MAD1L1: variants seen among roughly 807,000 people sequenced by gnomAD.
MAD1L1 encodes the protein mitotic arrest deficient 1 like 1, also known as mitotic spindle assembly checkpoint protein MAD1.
A neutral mutation model predicts 96.9 loss-of-function variants in MAD1L1; 95 were observed. The ratio of observed to expected loss-of-function variants is 0.98; its 90% CI spans 0.83 to 1.16. The LOEUF (loss-of-function observed/expected upper bound fraction) is 1.16. Among genes scored for constraint, MAD1L1 ranks in the 50% most tolerant of loss-of-function variants. MAD1L1 has a pLI of 0.00. For synonymous variants in MAD1L1, 473 were observed against 396.6 expected, an observed-to-expected ratio of 1.19 and a Z score of -2.29; for missense variants, 1,007 against 954.4, an observed-to-expected ratio of 1.06 and a Z score of -0.73.
intron 11 of MAD1L1, among the ~76,000 whole-genome samples, chr7:2,117,422 A>T (rs1324058414): frequency 6.6e-6 from 1 of 152,184 alleles, no homozygotes; most frequent in African/African-American, 2.4e-5. Context: ...CACAAGGAGG[A>T]GGCATGATAT....
At chr7:2,213,133 T>A (rs1484283449) in intron 10 of MAD1L1, 79 bp downstream of exon 10, 36 of 1,480,456 alleles carry the variant, frequency 2.4e-5, no homozygotes, top group Non-Finnish European at 3.0e-5. Context: ...ACTGCGCTGG[T>A]GAGCCGGAAG....
intron 15 of MAD1L1, among the ~76,000 whole-genome samples, chr7:1,976,279 A>G (rs1780633861): frequency 6.6e-6 from 1 of 152,228 alleles, no homozygotes; most frequent in Non-Finnish European, 1.5e-5. Context: ...GGTGAGTGTT[A>G]CAGTTCTTAA....
chr7:1,902,912 T>A (rs867312162), intron 17 of MAD1L1, among the ~76,000 whole-genome samples: 3 of 147,258 alleles, frequency 2.0e-5, no homozygotes, highest in African/African-American at 7.6e-5. Context: ...CAGTGGCCTA[T>A]GGAAGACGTT....
intron 14 of MAD1L1, among the ~76,000 whole-genome samples, chr7:1,983,152 GCGCACACACACACACACACA>G (rs1225369197): frequency 1.7e-3 from 50 of 29,914 alleles, no homozygotes; most frequent in Admixed American, 7.9e-3. Flanking sequence ...GCGCGCGCGC[GCGCACACACACACACACACA>G]CACACACACA....
chr7:2,195,901 G>A (rs1791961638), intron 10 of MAD1L1, among the ~76,000 whole-genome samples: 1 of 152,276 alleles, frequency 6.6e-6, no homozygotes, highest in Admixed American at 6.5e-5. Context: ...GCTATCAGCT[G>A]ATGGGCTTCA....
At chr7:2,010,976 G>T (rs1001838804) in intron 13 of MAD1L1, among the ~76,000 whole-genome samples, 1 of 152,136 alleles carries the variant, frequency 6.6e-6, no homozygotes, top group Admixed American at 6.5e-5. Context: ...GCGTGCAGAG[G>T]ACAGAAAGAA....
intron 15 of MAD1L1, among the ~76,000 whole-genome samples, chr7:1,977,203 G>A (rs112969053): frequency 3.8e-4 from 58 of 152,370 alleles, no homozygotes; most frequent in Non-Finnish European, 6.6e-4. Context: ...GGGAGCCCAC[G>A]GCTGGGGGTG....
chr7:1,912,317 A>G (rs1031463518), intron 17 of MAD1L1, among the ~76,000 whole-genome samples: 6 of 152,210 alleles, frequency 3.9e-5, no homozygotes, highest in African/African-American at 1.2e-4. Context: ...AACTTAACCT[A>G]TCCTTTTGGG....
chr7:2,075,846 A>G (rs962544626), intron 11 of MAD1L1, among the ~76,000 whole-genome samples: 7 of 151,664 alleles, frequency 4.6e-5, no homozygotes, highest in Admixed American at 2.6e-4. Context: ...CCTCCCACAC[A>G]CTCTTTGTCT....
intron 16 of MAD1L1, among the ~76,000 whole-genome samples, chr7:1,942,875 C>G (rs1256614107): frequency 1.3e-5 from 2 of 152,124 alleles, no homozygotes; most frequent in Non-Finnish European, 2.9e-5. Flanking sequence ...CTCCTGATTT[C>G]AAAACTTACT....
At chr7:2,047,754 CACAT>C (rs1039924623) in intron 12 of MAD1L1, among the ~76,000 whole-genome samples, 19 of 151,360 alleles carry the variant, frequency 1.3e-4, no homozygotes, top group Admixed American at 1.3e-4. Flanking sequence ...CATGCACACT[CACAT>C]GCATACAGAG....
intron 18 of MAD1L1, among the ~76,000 whole-genome samples, chr7:1,858,447 G>T (rs567859795): frequency 1.9e-4 from 29 of 152,342 alleles, no homozygotes; most frequent in Non-Finnish European, 3.2e-4. Context: ...TCCACCCAGG[G>T]GCTCTGCGTG....
At chr7:2,069,365 G>A (rs1184209514) in intron 11 of MAD1L1, 27 bp from the exon 12 acceptor site, 3 of 1,555,772 alleles carry the variant, frequency 1.9e-6, no homozygotes, top group Non-Finnish European at 2.6e-6. Flanking sequence ...AGAGGGCAAA[G>A]CAATGAAGCC....
chr7:2,143,529 G>A (rs1197818048), intron 11 of MAD1L1, among the ~76,000 whole-genome samples: 7 of 151,588 alleles, frequency 4.6e-5, no homozygotes, highest in Admixed American at 6.6e-5. Context: ...GAAAAGCACC[G>A]TCTGTGACAG....
At chr7:1,922,919 C>G (rs1235312349) in intron 17 of MAD1L1, among the ~76,000 whole-genome samples, 2 of 152,236 alleles carry the variant, frequency 1.3e-5, no homozygotes, top group Admixed American at 6.5e-5. Flanking sequence ...ATTGTACCAG[C>G]TGACGCTCGA....
intron 10 of MAD1L1, among the ~76,000 whole-genome samples, chr7:2,196,985 C>A (rs1036008231): frequency 5.9e-5 from 9 of 152,222 alleles, no homozygotes; most frequent in Middle Eastern, 3.2e-3. Flanking sequence ...CCTCGCCCTG[C>A]GAATTCAGTG....
At chr7:2,076,868 C>T (rs1785399126) in intron 11 of MAD1L1, among the ~76,000 whole-genome samples, 1 of 148,770 alleles carries the variant, frequency 6.7e-6, no homozygotes, top group East Asian at 2.0e-4. Flanking sequence ...ACATGGTGAG[C>T]CTGTGGCACG....
At chr7:2,045,633 G>C (rs911960114) in intron 12 of MAD1L1, among the ~76,000 whole-genome samples, 3 of 152,076 alleles carry the variant, frequency 2.0e-5, no homozygotes, top group African/African-American at 7.3e-5. Flanking sequence ...GCTTAGTACA[G>C]CACCTGACGA....
chr7:1,841,546 C>A (rs1184877475), intron 18 of MAD1L1, among the ~76,000 whole-genome samples: 2 of 152,224 alleles, frequency 1.3e-5, no homozygotes, highest in Admixed American at 6.5e-5. Context: ...AGGATGAAAG[C>A]GGGCACCACG....
Sources: allele counts gnomAD v4.1 joint callset (sites outside exome capture counted in the v4.1 genomes callset), GRCh38; gene constraint gnomAD v4.1.1; transcripts MANE v1.5; gene names NCBI Gene and HGNC (gene_info 2026-07-23, HGNC 2026-07-21).